The following FBXO9 variants were observed in gnomAD, a reference collection of about 807,000 sequenced individuals.
The protein encoded by FBXO9 is F-box only protein 9.
In FBXO9, 43 loss-of-function variants were observed where a neutral mutation model predicts 63.7. The observed-to-expected ratio is 0.67, with a 90% CI of 0.53 to 0.87. The LOEUF (loss-of-function observed/expected upper bound fraction) is 0.87. Ranked by LOEUF, FBXO9 falls within the 40% of genes least tolerant of loss-of-function variation. The pLI, the probability that FBXO9 is intolerant of heterozygous loss-of-function variation, is 0.00. For missense variants in FBXO9, 442 were observed against 533.2 expected (o/e 0.83, Z 1.68); for synonymous variants, 156 against 171.7 (o/e 0.91, Z 0.72).
chr6:53,065,671 TA>T lies in FBXO9; in HGVS notation c.-117del. On this transcript the variant is annotated 5_prime_UTR_variant, in exon 1 of 13. It removes the in-frame stop codon of an upstream open reading frame in the 5' UTR. Transcript: ENST00000323557. ...GCGCTTCTCCGACCGAGAACTCTGC[TA>T]AGCTCCGCTGCAGAGACAGGCAGGA... is the stretch of plus-strand genomic sequence containing the variant. 1 of 1,251,016 alleles carries T rather than the reference TA, an allele frequency of 8.0e-7. No homozygotes were observed. Among genetic ancestry groups the T allele is most frequent in the South Asian group, 1.8e-5 (1 of 56,210 alleles). The allele number at this position is 1,251,016 out of a possible 1,614,324, so 77.5% of individuals were successfully genotyped here.
Position 53,065,721 on chromosome 6 carries a change from C to A in FBXO9, c.-69C>A. On this transcript the variant is annotated 5_prime_UTR_variant, in exon 1 of 13. Transcript: ENST00000323557. Reference sequence around the variant, plus strand: ...GAGTAGACACCCGGACACCCAGCACCCCTCCTCCGGGGGGCGGTGCAGAGG... The same window carrying A: ...GAGTAGACACCCGGACACCCAGCACACCTCCTCCGGGGGGCGGTGCAGAGG... 1 of 1,429,018 alleles carries A rather than the reference C, an allele frequency of 7.0e-7. No individual in the cohort carries two copies. Among genetic ancestry groups the A allele is most frequent in the Non-Finnish European group, 9.2e-7 (1 of 1,090,980 alleles). 88.5% of individuals were successfully genotyped at this position (1,429,018 alleles called of 1,614,324 possible).
At chr6:53,080,136 A>G (rs1308926741) in intron 5 of FBXO9, among the ~76,000 whole-genome samples, 1 of 152,084 alleles carries the variant, frequency 6.6e-6, no homozygotes, top group African/African-American at 2.4e-5. Context: ...GACGCTATGA[A>G]AGTTCTTTAA....
At chr6:53,088,423 A>G (rs544135244) in intron 7 of FBXO9, among the ~76,000 whole-genome samples, 2 of 152,346 alleles carry the variant, frequency 1.3e-5, no homozygotes, top group African/African-American at 4.8e-5. Flanking sequence ...ACAATAGGCT[A>G]TAAGATGTAG....
At chr6:53,082,364 A>G (rs1368041274) in intron 6 of FBXO9, 140 bp from the exon 7 acceptor site, 4 of 479,028 alleles carry the variant, frequency 8.4e-6, no homozygotes, top group Non-Finnish European at 1.5e-5. Context: ...TTGAGTAGCT[A>G]AATACATTCA....
At chr6:53,088,043 A>G (rs372228275) in intron 7 of FBXO9, among the ~76,000 whole-genome samples, 46 of 152,322 alleles carry the variant, frequency 3.0e-4, no homozygotes, top group African/African-American at 1.1e-3. Context: ...AAAATCTACC[A>G]TACAAGATTC....
chr6:53,097,666 A>C, intron 12 of FBXO9, 56 bp from the exon 13 acceptor site: 1 of 1,039,274 alleles, frequency 9.6e-7, no homozygotes, highest in Non-Finnish European at 1.4e-6. Context: ...ACACACAAGG[A>C]TTTTAAATGA....
In FBXO9 at chr6:53,097,855, C is replaced by T; in HGVS notation, c.*25C>T. 6.8e-7 allele frequency: 1 copy of T among 1,460,952 alleles called. No individual in the cohort carries two copies. Among genetic ancestry groups the T allele is most frequent in the Admixed American group, 1.9e-5 (1 of 52,972 alleles). 90.5% of individuals were successfully genotyped at this position (1,460,952 alleles called of 1,614,324 possible). On this transcript the variant is annotated 3_prime_UTR_variant, in exon 13 of 13. Transcript: ENST00000323557. ...GAGCCTCAAGTCCAGTCCTCTATCACTTTTGCATGAATTAAAGTATATAGC... is the reference window on the plus strand; with the variant it reads ...GAGCCTCAAGTCCAGTCCTCTATCATTTTTGCATGAATTAAAGTATATAGC...
intron 7 of FBXO9, 118 bp from the exon 8 acceptor site, chr6:53,092,311 A>G (rs902228624): frequency 8.4e-6 from 6 of 714,082 alleles, no homozygotes; most frequent in Non-Finnish European, 9.7e-6. Flanking sequence ...TCTCCTCAGA[A>G]CAGTGCCTCC....
intron 1 of FBXO9, among the ~76,000 whole-genome samples, chr6:53,069,691 A>T (rs1291596775): frequency 6.6e-6 from 1 of 152,236 alleles, no homozygotes; most frequent in Non-Finnish European, 1.5e-5. Flanking sequence ...AATTACAAGA[A>T]AAAAGAGTGA....
chr6:53,071,944 A>C (rs185139376), intron 2 of FBXO9, among the ~76,000 whole-genome samples: 2 of 152,366 alleles, frequency 1.3e-5, no homozygotes, highest in African/African-American at 4.8e-5. Context: ...GTAATGATGC[A>C]TCCATACAGT....
In FBXO9 at chr6:53,097,924, GTGTATATATATA is replaced by G. The variant is rs1463145539; in HGVS notation, c.*96_*107del. ...TATAAATGTGTGTGTGTGCGTGTGT[GTGTATATATATA>G]TATATATATATATATATATATATAT... On this transcript the variant is annotated 3_prime_UTR_variant, in exon 13 of 13. Coordinates refer to ENST00000323557, the MANE Select transcript of FBXO9 (RefSeq NM_033480.3). 11 of 91,616 alleles carry G rather than the reference GTGTATATATATA, an allele frequency of 1.2e-4. No individual in the cohort carries two copies. Among genetic ancestry groups the G allele is most frequent in the East Asian group, 2.5e-4 (1 of 4,052 alleles). 5.7% of individuals were successfully genotyped at this position (91,616 alleles called of 1,614,324 possible). A position where few individuals can be genotyped will look rare whatever the true frequency, so the allele number is the denominator to read the frequency against.
At chr6:53,080,117 A>C (rs1018970956) in intron 5 of FBXO9, among the ~76,000 whole-genome samples, 21 of 151,930 alleles carry the variant, frequency 1.4e-4, no homozygotes, top group Non-Finnish European at 1.0e-4. Flanking sequence ...CATTTTTTAT[A>C]CAAACCCAGA....
Position 53,098,140 on chromosome 6 carries a change from A to T in FBXO9, c.*310A>T, listed in dbSNP as rs780853828. The T allele has an allele frequency of 5.2e-6, 2 of 381,076 alleles. No individual in the cohort carries two copies. The highest frequency in any genetic ancestry group is 2.7e-5 in the Admixed American group (1 of 37,230). The allele number at this position is 381,076 out of a possible 1,614,324, so 23.6% of individuals were successfully genotyped here. A position where few individuals can be genotyped will look rare whatever the true frequency, so the allele number is the denominator to read the frequency against. On this transcript the variant is annotated 3_prime_UTR_variant, in exon 13 of 13. Transcript: ENST00000323557. ...TGTGAGAAACCTTAATATGAGGTTT[A>T]TCATGCCCTTTTTCAAGCAGATTTA...
At position 53,073,657 on chromosome 6, in the gene FBXO9, T is replaced by C; in HGVS notation, c.249+18T>C. The C allele has an allele frequency of 4.7e-6, 7 of 1,475,014 alleles. No homozygotes were observed. The highest frequency in any genetic ancestry group is 6.2e-6 in the Non-Finnish European group (7 of 1,122,100). 91.4% of individuals were successfully genotyped at this position (1,475,014 alleles called of 1,614,324 possible). A position where few individuals can be genotyped will look rare whatever the true frequency, so the allele number is the denominator to read the frequency against. Reference sequence around the variant, plus strand: ...AAGAAAAGTTAAGTATTATAGATATTGTAACAAATTACATTTTTTTTTTTT... The same window carrying C: ...AAGAAAAGTTAAGTATTATAGATATCGTAACAAATTACATTTTTTTTTTTT... On this transcript the variant is annotated intron_variant, in intron 3 of 12. Transcript: ENST00000323557.
In FBXO9 at chr6:53,073,623, A is replaced by T; in HGVS notation, c.233A>T (p.Gln78Leu). 6.3e-7 allele frequency: 1 copy of T among 1,590,098 alleles called. No individual in the cohort carries two copies. Among genetic ancestry groups the T allele is most frequent in the African/African-American group, 1.3e-5 (1 of 74,332 alleles). The change falls in exon 3 of 13, where the codon CAG (glutamine) becomes CTG (leucine). Residue 78 changes from glutamine to leucine, a missense_variant. Transcript: ENST00000323557. ...TSADTKGKQE[Q>L]AKEEKARELF... ...GCAGATACCAAAGGAAAACAAGAAC[A>T]GGCAAAAGAAGAAAAGTTAAGTATT...
At chr6:53,077,647 A>G (rs1256472442) in intron 4 of FBXO9, among the ~76,000 whole-genome samples, 1 of 152,188 alleles carries the variant, frequency 6.6e-6, no homozygotes, top group African/African-American at 2.4e-5. Context: ...GATGCATAGG[A>G]AAAATCCTTG....
rs1287515215 is a variant in FBXO9 at position 53,080,317 on chromosome 6, G to GT, written c.408-643dup. 1.1e-4 allele frequency among the ~76,000 whole-genome samples: 15 copies of GT among 136,668 alleles called. No homozygotes were observed. In the East Asian group the frequency reaches 1.9e-3, roughly 17 times the overall value. 89.7% of individuals were successfully genotyped at this position (136,668 alleles called of 152,430 possible). On this transcript the variant is annotated intron_variant, in intron 5 of 12. Transcript: ENST00000323557. ...TCCTGGTTTTTTTTTTTGTTTTTTT[G>GT]TTTTTTTTAAGTCTACATCACTTGA...
intron 1 of FBXO9, chr6:53,068,091 C>G (rs951916351): frequency 6.8e-5 from 3 of 43,878 alleles, no homozygotes; most frequent in African/African-American, 2.7e-4. Context: ...ACATTACCCT[C>G]CCCCCCCTGG....
At chr6:53,081,233 T>C in intron 6 of FBXO9, 135 bp downstream of exon 6, 1 of 866,346 alleles carries the variant, frequency 1.2e-6, no homozygotes, top group South Asian at 1.7e-5. Context: ...GTTATAATTA[T>C]CATTTGCATA....
Sources: allele counts gnomAD v4.1 joint callset (sites outside exome capture counted in the v4.1 genomes callset), GRCh38; gene constraint gnomAD v4.1.1; transcripts MANE v1.5; gene names NCBI Gene and HGNC (gene_info 2026-07-23, HGNC 2026-07-21).